ESPL1: variants seen among roughly 807,000 people sequenced by gnomAD.
The protein encoded by ESPL1 is extra spindle pole bodies like 1, separase, also known as separin.
In ESPL1, 50 loss-of-function variants were observed where a neutral mutation model predicts 217.2. The ratio of observed to expected loss-of-function variants is 0.23; its 90% confidence interval spans 0.18 to 0.29. The LOEUF (loss-of-function observed/expected upper bound fraction) is 0.29, where lower values mean the gene tolerates loss of function less well. Among genes scored for constraint, ESPL1 ranks in the 10% least tolerant of loss-of-function variants. The pLI is 1.00. For missense variants in ESPL1, 1,834 were observed against 2,603.0 expected, an observed-to-expected ratio of 0.70 and a Z score of 6.43; for synonymous variants, 994 against 1,081.3, an observed-to-expected ratio of 0.92 and a Z score of 1.58.
At chr12:53,289,381 AC>A in intron 21 of ESPL1, 22 bp from the exon 22 acceptor site, 3 of 1,611,224 alleles carry the variant, frequency 1.9e-6, no homozygotes, top group Non-Finnish European at 2.5e-6. Context: ...ATGGGACCTC[AC>A]CCCTCCCCGT....
In ESPL1 at chr12:53,288,312, G is replaced by A. The variant is rs752874511; in HGVS notation, c.4517G>A (p.Arg1506Lys). Residue 1506 changes from arginine (R) to lysine (K), a missense_variant, in exon 19 of 31, where the codon AGG becomes AAG. This residue lies in a region of ESPL1 where 681 missense variants were observed against 808.0 expected (regional missense o/e 0.84). Coordinates refer to ENST00000257934, the MANE Select transcript of ESPL1 (RefSeq NM_012291.5). ...AGAAAAATGAGCTTTGAGATCCTCA[G>A]GGGCTCTGACGGGGAAGACTCAGCC... Reference protein sequence around the residue: ...NWRKMSFEILRGSDGEDSASG... With the variant: ...NWRKMSFEILKGSDGEDSASG... The A allele has an allele frequency of 3.1e-6, 5 of 1,602,894 alleles. No individual in the cohort carries two copies. The East Asian group carries it at 1.1e-4, about 36-fold the overall frequency.
chr12:53,276,739 T>C lies in ESPL1; in HGVS notation c.1820T>C (p.Ile607Thr). ...ADTGQERFNI[I>T]CDLLELSPEE... is the part of the protein sequence containing the mutation. ...ACTGGACAGGAACGCTTCAACATCA[T>C]CTGTGACCTCCTGGAGCTGAGCCCC... is the stretch of plus-strand genomic sequence containing the variant. Residue 607 changes from isoleucine (I) to threonine (T), a missense_variant, in exon 8 of 31, where the codon ATC (isoleucine) becomes ACC (threonine). By Grantham distance (89) the Ile-to-Thr change is moderately conservative. This residue lies in a region of ESPL1 where 746 missense variants were observed against 1,077.0 expected (regional missense o/e 0.69). Transcript: ENST00000257934. 1 of 1,613,624 alleles carries C rather than the reference T, an allele frequency of 6.2e-7. No homozygotes were observed. Among genetic ancestry groups the C allele is most frequent in the Non-Finnish European group, 8.5e-7 (1 of 1,180,002 alleles).
In ESPL1 at chr12:53,277,506, A is replaced by T. The variant is rs1326662348; in HGVS notation, c.2122A>T (p.Asn708Tyr). The change falls in exon 10 of 31, where the codon AAC (asparagine) becomes TAC (tyrosine). Residue 708 changes from asparagine (N) to tyrosine (Y), a missense_variant. Asn to Tyr is a moderately radical substitution (Grantham distance 143, BLOSUM62 -2). This residue lies in a region of ESPL1 where 746 missense variants were observed against 1,077.0 expected (regional missense o/e 0.69). Coordinates refer to ENST00000257934, the MANE Select transcript of ESPL1 (RefSeq NM_012291.5). ...GGATCGGAGAGCCCAGGCCCCTGGT[A>T]ACTTGGAGGAATTTGAAGTCAATGA... ...ERDRRAQAPG[N>Y]LEEFEVNDLN... 3.1e-6 allele frequency: 5 copies of T among 1,614,036 alleles called. No individual in the cohort carries two copies. Among genetic ancestry groups the T allele is most frequent in the Non-Finnish European group, 4.2e-6 (5 of 1,180,020 alleles).
chr12:53,273,838 T>TTTTTG, intron 6 of ESPL1, among the ~76,000 whole-genome samples: 1 of 13,050 alleles, frequency 7.7e-5, no homozygotes, highest in African/African-American at 6.7e-4. Flanking sequence ...GTTTTTTGGT[T>TTTTTG]TTTTTTTTTT....
chr12:53,270,708 G>A lies in ESPL1; in HGVS notation c.1279G>A (p.Val427Met), dbSNP rs1169374347. ...IVDLADLTQL[V>M]DSCKSTVVWM... ...TGATTTGGCTGACCTGACCCAACTAGTGGACAGTTGTAAATCTACCGTTGT... is the reference window on the plus strand; with the variant it reads ...TGATTTGGCTGACCTGACCCAACTAATGGACAGTTGTAAATCTACCGTTGT... Residue 427 changes from valine to methionine, a missense_variant, in exon 5 of 31, where the codon GTG becomes ATG. Val to Met is a conservative substitution (Grantham distance 21). This residue lies in a region of ESPL1 where 746 missense variants were observed against 1,077.0 expected (regional missense o/e 0.69). Coordinates refer to ENST00000257934, the MANE Select transcript of ESPL1 (RefSeq NM_012291.5). 1.9e-6 allele frequency: 3 copies of A among 1,614,128 alleles called. No individual in the cohort carries two copies. The highest frequency in any genetic ancestry group is 2.5e-6 in the Non-Finnish European group (3 of 1,180,004).
intron 17 of ESPL1, among the ~76,000 whole-genome samples, chr12:53,285,527 T>C (rs1051283523): frequency 2.0e-5 from 3 of 151,988 alleles, no homozygotes; most frequent in African/African-American, 7.3e-5. Context: ...GCTAACACGG[T>C]GAAACCCCGT....
At chr12:53,291,461 C>T (rs1461963494) in intron 25 of ESPL1, among the ~76,000 whole-genome samples, 1 of 151,496 alleles carries the variant, frequency 6.6e-6, no homozygotes. Context: ...CTTGGTGGCA[C>T]ATGCCTGTAG....
intron 7 of ESPL1, among the ~76,000 whole-genome samples, chr12:53,275,415 C>A (rs191843684): frequency 4.6e-5 from 7 of 151,952 alleles, no homozygotes; most frequent in Non-Finnish European, 1.0e-4. Context: ...GAGCCGAGAT[C>A]GTGCCACTGC....
rs1304150793 is a variant in ESPL1, at chr12:53,292,215, G to C, written c.5797-63G>C. 1 of 1,449,710 alleles carries C rather than the reference G, an allele frequency of 6.9e-7. No homozygotes were observed. 89.8% of individuals were successfully genotyped at this position (1,449,710 alleles called of 1,614,324 possible). ...TGGCTCAGACATGGAAAGGGGCTGA[G>C]ATTGTTAGAGCTTGGGCCTCTTGGT... On this transcript the variant is annotated intron_variant, in intron 27 of 30. Transcript: ENST00000257934. The surrounding 1 kb of genome is among the most constrained non-coding windows in gnomAD (Gnocchi z 4.5).
chr12:53,277,137 T>A lies in ESPL1; in HGVS notation c.1995T>A (p.Pro665=), dbSNP rs1565755205. The change falls in exon 9 of 31, where the codon CCT becomes CCA. Residue 665 remains proline (P), a synonymous_variant. Transcript: ENST00000257934. ...EALQLLDSVR[P]EAQARDQLLD... ...TGCAGCTTCTGGACTCTGTGAGGCC[T>A]GAGGCCCAGGCCAGAGATCAGCTTC... The A allele has an allele frequency of 6.2e-7, 1 of 1,614,168 alleles. No homozygotes were observed. The highest frequency in any genetic ancestry group is 2.2e-5 in the East Asian group (1 of 44,888).
At chr12:53,278,790 C>A (rs1161922497) in intron 11 of ESPL1, among the ~76,000 whole-genome samples, 1 of 151,216 alleles carries the variant, frequency 6.6e-6, no homozygotes, top group Non-Finnish European at 1.5e-5. Context: ...AGGGTTTCAC[C>A]ATATTGGCCA....
rs114029685 is a variant in ESPL1 at position 53,278,905 on chromosome 12, C to T, written c.2365-827C>T. On this transcript the variant is annotated intron_variant, in intron 11 of 30. Transcript: ENST00000257934. ...CCAGCTTTCCGCCCCGCCCCCCCGCCGAGATAGAGTCTTGCTCTGTTACCC... is the reference window on the plus strand; with the variant it reads ...CCAGCTTTCCGCCCCGCCCCCCCGCTGAGATAGAGTCTTGCTCTGTTACCC... Among the ~76,000 whole-genome samples, 1,342 of 151,936 alleles carry T rather than the reference C, an allele frequency of 8.8e-3. 19 individuals carry two copies. Among genetic ancestry groups the T allele is most frequent in the African/African-American group, 0.031 (1,274 of 41,430 alleles).
At chr12:53,291,475 G>A (rs1384110402) in intron 25 of ESPL1, among the ~76,000 whole-genome samples, 1 of 151,000 alleles carries the variant, frequency 6.6e-6, no homozygotes, top group Non-Finnish European at 1.5e-5. Context: ...CCTGTAGTCC[G>A]AGCTACTCAG....
At chr12:53,280,011 T>C (rs930833398) in intron 12 of ESPL1, 145 bp downstream of exon 12, 6 of 913,428 alleles carry the variant, frequency 6.6e-6, no homozygotes, top group African/African-American at 5.2e-5. Context: ...TGTGGAGCAG[T>C]TGGAGGCAGC....
chr12:53,290,661 G>C (rs1239371108), intron 24 of ESPL1, among the ~76,000 whole-genome samples, 180 bp from the exon 25 acceptor site: 2 of 1,258 alleles, frequency 1.6e-3, no homozygotes, highest in African/African-American at 1.8e-3. Flanking sequence ...TATGGGAATG[G>C]ATATTTAAAG....
intron 22 of ESPL1, 153 bp downstream of exon 22, chr12:53,289,747 G>A: frequency 2.9e-6 from 2 of 694,546 alleles, no homozygotes; most frequent in Non-Finnish European, 4.6e-6. Context: ...ACATCAGGAA[G>A]GTTTGTTGTT....
Position 53,285,979 on chromosome 12 carries a change from G to A in ESPL1, c.3243G>A (p.Lys1081=). Reference sequence around the variant, plus strand: ...CTGTGAAGAAGGTCCACCTGCAGAAGGGGAAGCAGCAGGCCCAGGTCCCCT... The same window carrying A: ...CTGTGAAGAAGGTCCACCTGCAGAAAGGGAAGCAGCAGGCCCAGGTCCCCT... ...LDSVKKVHLQ[K]GKQQAQVPCP... Residue 1081 remains lysine (K), a synonymous_variant, in exon 18 of 31, where the codon AAG becomes AAA. Coordinates refer to ENST00000257934, the MANE Select transcript of ESPL1 (RefSeq NM_012291.5). The A allele has an allele frequency of 6.3e-7, 1 of 1,576,268 alleles. No individual in the cohort carries two copies. The highest frequency in any genetic ancestry group is 8.7e-7 in the Non-Finnish European group (1 of 1,155,026).
In ESPL1 at chr12:53,288,066, G is replaced by A. The variant is rs1943981481; in HGVS notation, c.4271G>A (p.Gly1424Asp). 2 of 1,613,628 alleles carry A rather than the reference G, an allele frequency of 1.2e-6. No individual in the cohort carries two copies. Among genetic ancestry groups the A allele is most frequent in the Non-Finnish European group, 1.7e-6 (2 of 1,179,986 alleles). ...AAGAGACGGGGCACTGCTTCCCGGGGCCGGGGGCGAGCAAGGAAGGGCCTG... is the reference window on the plus strand; with the variant it reads ...AAGAGACGGGGCACTGCTTCCCGGGACCGGGGGCGAGCAAGGAAGGGCCTG... ...EPKRRGTASR[G>D]RGRARKGLSL... is the part of the protein sequence containing the mutation. The change falls in exon 19 of 31, where the codon GGC becomes GAC. Residue 1424 changes from glycine (G) to aspartate (D), a missense_variant. Transcript: ENST00000257934.
chr12:53,282,655 C>A lies in ESPL1; in HGVS notation c.2791+220C>A, dbSNP rs1453889051. Among the ~76,000 whole-genome samples, 1 of 151,600 alleles carries A rather than the reference C, an allele frequency of 6.6e-6. No individual in the cohort carries two copies. Among genetic ancestry groups the A allele is most frequent in the Non-Finnish European group, 1.5e-5 (1 of 67,850 alleles). On this transcript the variant is annotated intron_variant, in intron 14 of 30. Transcript: ENST00000257934. This position sits in a 1 kb window ranked among gnomAD's most constrained non-coding sequence, Gnocchi z 4.0. ...TACTAGGCTGAAAGGATTTTTTTTT[C>A]TTTTCTTTTTTTTCTAAGACGGAGT...
Sources: allele counts gnomAD v4.1 joint callset (sites outside exome capture counted in the v4.1 genomes callset), GRCh38; gene constraint gnomAD v4.1.1; regional missense constraint gnomAD v4.1.1; non-coding constraint Gnocchi (gnomAD v3.1); transcripts MANE v1.5; gene names NCBI Gene and HGNC (gene_info 2026-07-23, HGNC 2026-07-21).